Variants in SLIT3 observed in about 807,000 individuals in gnomAD.
SLIT3 encodes the protein slit homolog 3 protein.
Under a neutral mutation model 184.0 loss-of-function variants are expected in SLIT3, and 68 were observed. The ratio of observed to expected loss-of-function variants is 0.37; its 90% CI spans 0.30 to 0.45. The LOEUF is 0.45. Ranked by LOEUF, SLIT3 falls within the 20% of genes least tolerant of loss-of-function variation. The probability of loss-of-function intolerance (pLI) is 1.00; values close to 1 mark genes in which losing one functional copy is unlikely to be tolerated. For missense variants in SLIT3, 1,707 were observed against 2,026.0 expected, an observed-to-expected ratio of 0.84 and a Z score of 3.02; for synonymous variants, 831 against 828.6, an observed-to-expected ratio of 1.00 and a Z score of -0.05.
intron 4 of SLIT3, among the ~76,000 whole-genome samples, chr5:169,142,055 AAAAAT>A (rs1480186306): frequency 4.1e-4 from 49 of 119,534 alleles, no homozygotes; most frequent in African/African-American, 9.8e-4. Flanking sequence ...TACTCAAAAA[AAAAAT>A]AAAAATAAAA....
chr5:168,972,931 C>A (rs778860528), intron 4 of SLIT3, among the ~76,000 whole-genome samples: 1 of 152,184 alleles, frequency 6.6e-6, no homozygotes, highest in Non-Finnish European at 1.5e-5. Context: ...CACATGGATT[C>A]TTTTCCTCTT....
chr5:168,739,273 G>A (rs1763538945), intron 20 of SLIT3, among the ~76,000 whole-genome samples: 1 of 152,094 alleles, frequency 6.6e-6, no homozygotes, highest in African/African-American at 2.4e-5. Context: ...TGTAACAGAG[G>A]ACCAAAGGTT....
At position 168,789,516 on chromosome 5, in the gene SLIT3, C is replaced by A. The variant is rs780238476; in HGVS notation, c.1079+44G>T. The A allele has an allele frequency of 3.4e-6, 5 of 1,485,942 alleles. No individual in the cohort carries two copies. The Admixed American group carries it at 8.8e-5, about 26-fold the overall frequency. The allele number at this position is 1,485,942 out of a possible 1,614,324, so 92.0% of individuals were successfully genotyped here. A position where few individuals can be genotyped will look rare whatever the true frequency, so the allele number is the denominator to read the frequency against. ...GGTTGCGTCTCTCTTCCCTCCAGCG[C>A]CCCCCCTCCCCTCACCTCAGGCCCC... On this transcript the variant is annotated intron_variant, in intron 11 of 35. Transcript: ENST00000519560.
chr5:169,135,534 GA>G (rs142039606), intron 4 of SLIT3, among the ~76,000 whole-genome samples: 2,412 of 152,238 alleles, frequency 0.016, 68 homozygotes, highest in African/African-American at 0.055. Flanking sequence ...CAGGAACACA[GA>G]AACAATACTT....
intron 4 of SLIT3, among the ~76,000 whole-genome samples, chr5:169,102,839 C>T (rs560510312): frequency 1.3e-5 from 2 of 152,318 alleles, no homozygotes; most frequent in East Asian, 3.9e-4. Flanking sequence ...CAGAAGCACT[C>T]GAATGATATC....
At chr5:169,011,926 CAG>C (rs1335574117) in intron 4 of SLIT3, among the ~76,000 whole-genome samples, 2 of 146,884 alleles carry the variant, frequency 1.4e-5, no homozygotes, top group Admixed American at 6.7e-5. Context: ...ACTTCAAAAA[CAG>C]AGTAATATTC....
chr5:168,707,789 G>A, intron 26 of SLIT3, 187 bp downstream of exon 26: 1 of 611,136 alleles, frequency 1.6e-6, no homozygotes, highest in Non-Finnish European at 2.8e-6. Context: ...CTGACTGGCA[G>A]CTCCCGCTAG....
rs994713540 is a variant in SLIT3 at position 168,950,618 on chromosome 5, G to A, written c.414-67282C>T. 2.6e-5 allele frequency among the ~76,000 whole-genome samples: 4 copies of A among 152,282 alleles called. No individual in the cohort carries two copies. In the East Asian group the frequency reaches 7.7e-4, roughly 29 times the overall value. ...CAGAAACATTCTGTGGGCCAGACTTGGCCTAGGGGCCAGTTTCCCAGGCCA... is the reference window on the plus strand; with the variant it reads ...CAGAAACATTCTGTGGGCCAGACTTAGCCTAGGGGCCAGTTTCCCAGGCCA... On this transcript the variant is annotated intron_variant, in intron 4 of 35. Coordinates refer to ENST00000519560, the MANE Select transcript of SLIT3 (RefSeq NM_003062.4).
At chr5:168,902,244 C>T (rs116561819) in intron 4 of SLIT3, among the ~76,000 whole-genome samples, 1,664 of 152,224 alleles carry the variant, frequency 0.011, 34 homozygotes, top group African/African-American at 0.037. Context: ...CAAATATTAA[C>T]GAACATTTGT....
At chr5:169,063,355 C>G (rs765402911) in intron 4 of SLIT3, among the ~76,000 whole-genome samples, 1 of 152,188 alleles carries the variant, frequency 6.6e-6, no homozygotes, top group Non-Finnish European at 1.5e-5. Context: ...AGTTTCCTTC[C>G]TACCAGGACC....
chr5:169,079,203 G>A (rs941003491), intron 4 of SLIT3, among the ~76,000 whole-genome samples: 8 of 152,066 alleles, frequency 5.3e-5, no homozygotes, highest in Non-Finnish European at 7.4e-5. Context: ...ATGCTTTAAG[G>A]AGCCCCAAGT....
At chr5:169,272,963 G>A (rs906549449) in intron 1 of SLIT3, among the ~76,000 whole-genome samples, 1 of 152,094 alleles carries the variant, frequency 6.6e-6, no homozygotes, top group South Asian at 2.1e-4. Context: ...GACCTTTCCC[G>A]TTGCTCTCAG....
At chr5:168,710,839 G>A (rs1303581272) in intron 25 of SLIT3, 56 bp downstream of exon 25, 1 of 1,365,340 alleles carries the variant, frequency 7.3e-7, no homozygotes, top group Admixed American at 3.1e-5. Context: ...CAGGTTGCTG[G>A]GAACACAGCA....
intron 4 of SLIT3, among the ~76,000 whole-genome samples, chr5:168,949,173 G>A (rs113933023): frequency 4.1e-4 from 62 of 152,280 alleles, no homozygotes; most frequent in African/African-American, 1.4e-3. Context: ...TTTCACCTGC[G>A]GGTGTTCTGA....
At position 168,684,055 on chromosome 5, in the gene SLIT3, T is replaced by C. The variant is rs866286026; in HGVS notation, c.3597A>G (p.Gly1199=). 1.2e-6 allele frequency: 2 copies of C among 1,607,412 alleles called. No individual in the cohort carries two copies. Among genetic ancestry groups the C allele is most frequent in the Middle Eastern group, 3.3e-4 (2 of 6,028 alleles). The change falls in exon 32 of 36, where the codon GGA becomes GGG. Residue 1199 remains glycine, a synonymous_variant. Coordinates refer to ENST00000519560, the MANE Select transcript of SLIT3 (RefSeq NM_003062.4). The part of the protein sequence containing the change: ...DKDNGILLYK[G]DNDPLALELY... The stretch of plus-strand genomic sequence containing the variant: ...GCTCCAGTGCCAGGGGGTCATTGTC[T>C]CCTTTGTAGAGAAGGATGCCGTTGT...
intron 4 of SLIT3, among the ~76,000 whole-genome samples, chr5:169,019,100 T>C (rs1398637248): frequency 6.6e-6 from 1 of 152,208 alleles, no homozygotes; most frequent in African/African-American, 2.4e-5. Context: ...GGGAGAACTT[T>C]TAGCTGCATC....
intron 6 of SLIT3, among the ~76,000 whole-genome samples, chr5:168,823,591 G>A (rs559073831): frequency 1.1e-4 from 16 of 152,196 alleles, no homozygotes; most frequent in East Asian, 3.9e-4. Context: ...TAAGAGTATC[G>A]CTTCCTGAAA....
chr5:169,292,607 T>A (rs1767392929), intron 1 of SLIT3, among the ~76,000 whole-genome samples: 1 of 152,292 alleles, frequency 6.6e-6, no homozygotes, highest in African/African-American at 2.4e-5. Context: ...CACAGAGAAC[T>A]CTGCTGATTA....
intron 8 of SLIT3, among the ~76,000 whole-genome samples, chr5:168,816,961 T>A (rs1353100446): frequency 6.6e-6 from 1 of 152,230 alleles, no homozygotes; most frequent in African/African-American, 2.4e-5. Flanking sequence ...CAGGAACATG[T>A]TTAGCAGATG....
Sources: gnomAD v4.1 joint callset for allele counts (sites outside exome capture counted in the v4.1 genomes callset) on GRCh38, gnomAD v4.1.1 for gene constraint, MANE v1.5 for transcripts, NCBI Gene and HGNC (gene_info 2026-07-23, HGNC 2026-07-21) for gene names.